The following DGKB variants were observed in gnomAD, a reference collection of about 807,000 sequenced individuals.
DGKB encodes 90 kDa diacylglycerol kinase.
Under a neutral mutation model 114.3 loss-of-function variants are expected in DGKB, and 67 were observed. That is an observed-to-expected ratio of 0.59 (90% confidence interval 0.48 to 0.72). DGKB has a LOEUF of 0.72. Among genes scored for constraint, DGKB ranks in the 30% least tolerant of loss-of-function variants. The pLI is 0.00. For synonymous variants in DGKB, 398 were observed against 323.1 expected (o/e 1.23, Z -2.49); for missense variants, 907 against 975.2 (o/e 0.93, Z 0.93).
intron 13 of DGKB, among the ~76,000 whole-genome samples, chr7:14,666,411 G>C (rs1428293227): frequency 6.6e-6 from 1 of 151,950 alleles, no homozygotes; most frequent in Non-Finnish European, 1.5e-5. Flanking sequence ...TGAGTGGCTT[G>C]CATATGGCCT....
chr7:14,697,149 T>A (rs1824083071), intron 8 of DGKB, among the ~76,000 whole-genome samples: 1 of 152,192 alleles, frequency 6.6e-6, no homozygotes, highest in South Asian at 2.1e-4. Flanking sequence ...ATTTTAATAA[T>A]GTTGAAATTT....
At chr7:14,450,715 G>T (rs1056940589) in intron 21 of DGKB, among the ~76,000 whole-genome samples, 25 of 152,104 alleles carry the variant, frequency 1.6e-4, no homozygotes, top group Non-Finnish European at 3.5e-4. Context: ...GCCATGGACT[G>T]CATGGAAGTA....
rs576636833 is a variant in DGKB at position 14,379,669 on chromosome 7, C to T, written c.1836-34278G>A. 4.0e-3 allele frequency among the ~76,000 whole-genome samples: 612 copies of T among 152,220 alleles called. 10 individuals carry two copies. Among genetic ancestry groups the T allele is most frequent in the Non-Finnish European group, 2.1e-3 (142 of 68,024 alleles). On this transcript the variant is annotated intron_variant, in intron 21 of 25. Coordinates refer to ENST00000402815, the MANE Select transcript of DGKB (RefSeq NM_001350709.2). ...CCGCCTCCCAGGTTCAAGCAATTCT[C>T]CTCTCTCAGCCTCCTGAGTAGCTGG...
intron 2 of DGKB, among the ~76,000 whole-genome samples, chr7:14,832,302 T>G (rs1846532149): frequency 6.6e-6 from 1 of 152,076 alleles, no homozygotes; most frequent in Non-Finnish European, 1.5e-5. Context: ...GATCACAATC[T>G]TTTGTCACAA....
chr7:14,570,183 A>T (rs12699648), intron 20 of DGKB, among the ~76,000 whole-genome samples: 79,552 of 151,246 alleles, frequency 0.53, 20,978 homozygotes, highest in East Asian at 0.61. Flanking sequence ...ATAATTCTCT[A>T]TAGAGTATTT....
At chr7:14,616,693 A>C (rs1806598718) in intron 15 of DGKB, among the ~76,000 whole-genome samples, 1 of 151,804 alleles carries the variant, frequency 6.6e-6, no homozygotes, top group African/African-American at 2.4e-5. Flanking sequence ...TGATTTGTTT[A>C]AAGGATGAAA....
intron 13 of DGKB, among the ~76,000 whole-genome samples, chr7:14,647,576 C>T (rs1813312511): frequency 6.6e-6 from 1 of 152,096 alleles, no homozygotes; most frequent in African/African-American, 2.4e-5. Flanking sequence ...GTGTAAAAAT[C>T]CTCTACCAAA....
At chr7:14,328,505 G>A (rs1809153287) in intron 23 of DGKB, among the ~76,000 whole-genome samples, 1 of 151,922 alleles carries the variant, frequency 6.6e-6, no homozygotes, top group African/African-American at 2.4e-5. Context: ...TCAGGGAAAT[G>A]GAATTGTTCA....
At chr7:14,927,667 CT>C (rs765828153) in intron 1 of DGKB, among the ~76,000 whole-genome samples, 22 of 151,652 alleles carry the variant, frequency 1.5e-4, no homozygotes, top group Non-Finnish European at 2.7e-4. Flanking sequence ...AAAAATATAC[CT>C]TTTTCAATTA....
chr7:14,566,114 A>C (rs1447507996), intron 20 of DGKB, among the ~76,000 whole-genome samples: 1 of 152,174 alleles, frequency 6.6e-6, no homozygotes, highest in East Asian at 1.9e-4. Flanking sequence ...TATAATTTTA[A>C]AAAGAATCAT....
intron 1 of DGKB, among the ~76,000 whole-genome samples, chr7:14,946,795 A>T (rs1233708326): frequency 2.0e-5 from 3 of 151,820 alleles, no homozygotes; most frequent in African/African-American, 7.2e-5. Flanking sequence ...TTACCACTGT[A>T]TCTGTACTAC....
Position 14,952,723 on chromosome 7 carries a change from C to T in DGKB, c.-188+21973G>A, listed in dbSNP as rs150806880. 4.3e-3 allele frequency among the ~76,000 whole-genome samples: 650 copies of T among 152,074 alleles called. 7 individuals carry two copies. The highest frequency in any genetic ancestry group is 0.015 in the African/African-American group (602 of 41,496). On this transcript the variant is annotated intron_variant, in intron 1 of 4. Coordinates refer to the DGKB transcript ENST00000437998. ...GCAGTGAGCAGAGATCATGCCACTG[C>T]ACTCCAGCCTGGGTGACAAAGCGAG...
intron 17 of DGKB, among the ~76,000 whole-genome samples, chr7:14,588,242 G>A (rs1029242943): frequency 6.6e-6 from 1 of 151,456 alleles, no homozygotes; most frequent in Admixed American, 6.6e-5. Context: ...AATTTTACAC[G>A]TCTTTGATTT....
chr7:14,701,770 A>G (rs1378338925), intron 6 of DGKB, 40 bp from the exon 7 acceptor site: 15 of 1,352,064 alleles, frequency 1.1e-5, no homozygotes, highest in Admixed American at 1.7e-5. Flanking sequence ...TTATAGGCAA[A>G]TAAGATCAAT....
At chr7:14,568,320 G>A (rs766284808) in intron 20 of DGKB, among the ~76,000 whole-genome samples, 1 of 152,156 alleles carries the variant, frequency 6.6e-6, no homozygotes, top group Non-Finnish European at 1.5e-5. Context: ...AATTGGAAAA[G>A]CATTAAAAAG....
At chr7:14,388,292 G>T (rs1159566822) in intron 21 of DGKB, among the ~76,000 whole-genome samples, 3 of 149,124 alleles carry the variant, frequency 2.0e-5, no homozygotes, top group Non-Finnish European at 3.0e-5. Context: ...ATATGCAGTT[G>T]TTCTATGTTT....
chr7:14,297,784 ATGAT>A (rs1377654503), intron 23 of DGKB, among the ~76,000 whole-genome samples: 2 of 152,190 alleles, frequency 1.3e-5, no homozygotes, highest in African/African-American at 2.4e-5. Flanking sequence ...TGCAGACGAC[ATGAT>A]TGTTTATTTA....
rs1800101484 is a variant in DGKB at position 14,282,330 on chromosome 7, A to C, written c.2122+56185T>G. ...AAACCAGGAAGAAGTTGAATCTCTG[A>C]ATAGACCAATAACAGGATCTGAAAT... On this transcript the variant is annotated intron_variant, in intron 23 of 25. Transcript: ENST00000402815. Among the ~76,000 whole-genome samples the C allele has an allele frequency of 6.9e-5, 9 of 129,720 alleles. No individual in the cohort carries two copies. In the South Asian group the frequency reaches 2.6e-3, roughly 38 times the overall value. 85.1% of individuals were successfully genotyped at this position (129,720 alleles called of 152,430 possible). A position where few individuals can be genotyped will look rare whatever the true frequency, so the allele number is the denominator to read the frequency against.
At chr7:14,548,089 T>C (rs1460543061) in intron 20 of DGKB, among the ~76,000 whole-genome samples, 1 of 152,220 alleles carries the variant, frequency 6.6e-6, no homozygotes, top group Admixed American at 6.5e-5. Flanking sequence ...CATTTGCTTT[T>C]ACCTAATGAT....
Sources: gnomAD v4.1 joint callset for allele counts (sites outside exome capture counted in the v4.1 genomes callset) on GRCh38, gnomAD v4.1.1 for gene constraint, MANE v1.5 for transcripts, NCBI Gene and HGNC (gene_info 2026-07-23, HGNC 2026-07-21) for gene names.